The following RGL2 variants were observed in gnomAD, a reference collection of about 807,000 sequenced individuals.
RGL2 encodes the protein ral guanine nucleotide dissociation stimulator-like 2.
Under a neutral mutation model 84.6 loss-of-function variants are expected in RGL2, and 40 were observed. That is an observed-to-expected ratio of 0.47 (90% CI 0.37 to 0.62). The LOEUF is 0.62. Ranked by LOEUF, RGL2 falls within the 20% of genes least tolerant of loss-of-function variation. RGL2 has a pLI of 0.00. For synonymous variants in RGL2, 369 were observed against 417.3 expected, an observed-to-expected ratio of 0.88 and a Z score of 1.41; for missense variants, 865 against 1,019.7, an observed-to-expected ratio of 0.85 and a Z score of 2.07.
chr6:33,294,600 A>T lies in RGL2; in HGVS notation c.1353+88T>A. The T allele has an allele frequency of 1.4e-6, 2 of 1,415,458 alleles. No homozygotes were observed. Among genetic ancestry groups the T allele is most frequent in the South Asian group, 2.4e-5 (2 of 81,694 alleles). The allele number at this position is 1,415,458 out of a possible 1,614,324, so 87.7% of individuals were successfully genotyped here. Reference sequence around the variant, plus strand: ...TCCCACACTCAGCTATTTGTGCCTTACAGCCCCTTGCAAGGGGCGGGGGGG... The same window carrying T: ...TCCCACACTCAGCTATTTGTGCCTTTCAGCCCCTTGCAAGGGGCGGGGGGG... On this transcript the variant is annotated intron_variant, in intron 11 of 17. Coordinates refer to ENST00000497454, the MANE Select transcript of RGL2 (RefSeq NM_004761.5). This position sits in a 1 kb window ranked among gnomAD's most constrained non-coding sequence, Gnocchi z 5.0.
rs1363818118 is a variant in RGL2, at chr6:33,298,759, A to C, written c.-41-108T>G. The stretch of plus-strand genomic sequence containing the variant: ...CAAGAAGACCGGAAGGGAGTTCTGC[A>C]GGAAGGTTGGGGGAGGGGGCAACAG... On this transcript the variant is annotated intron_variant, in intron 1 of 17. Coordinates refer to ENST00000497454, the MANE Select transcript of RGL2 (RefSeq NM_004761.5). The surrounding 1 kb of genome is among the most constrained non-coding windows in gnomAD (Gnocchi z 4.8). 1 of 478,920 alleles carries C rather than the reference A, an allele frequency of 2.1e-6. No individual in the cohort carries two copies. The highest frequency in any genetic ancestry group is 3.6e-6 in the Non-Finnish European group (1 of 275,828). The allele number at this position is 478,920 out of a possible 1,614,324, so 29.7% of individuals were successfully genotyped here.
In RGL2 at chr6:33,294,947, C is replaced by A; in HGVS notation, c.1278+30G>T. The A allele has an allele frequency of 1.3e-6, 2 of 1,553,040 alleles. No homozygotes were observed. The highest frequency in any genetic ancestry group is 2.4e-5 in the East Asian group (1 of 41,258). On this transcript the variant is annotated intron_variant, in intron 10 of 17. Coordinates refer to ENST00000497454, the MANE Select transcript of RGL2 (RefSeq NM_004761.5). The surrounding 1 kb of genome is among the most constrained non-coding windows in gnomAD (Gnocchi z 5.0). ...TCCTCACCCCTTCATAATCACCACC[C>A]CCACGCCCACCACCCCGCTAGTCAC...
In RGL2 at chr6:33,293,051, A is replaced by G. The variant is rs1443940757; in HGVS notation, c.1972T>C (p.Leu658=). Residue 658 remains leucine, a synonymous_variant, in exon 16 of 18, where the codon TTG becomes CTG. Coordinates refer to ENST00000497454, the MANE Select transcript of RGL2 (RefSeq NM_004761.5). This position sits in a 1 kb window ranked among gnomAD's most constrained non-coding sequence, Gnocchi z 7.0. The part of the protein sequence containing the change: ...DCRIIRVQME[L]GEDGSVYKSI... ...TTATAGACACTGCCATCTTCCCCCA[A>G]CTCCATCTGGACTCGGATGATACGG... is the stretch of plus-strand genomic sequence containing the variant. The G allele has an allele frequency of 6.2e-7, 1 of 1,613,848 alleles. No homozygotes were observed. The highest frequency in any genetic ancestry group is 8.5e-7 in the Non-Finnish European group (1 of 1,179,976).
Position 33,294,977 on chromosome 6 carries a change from C to A in RGL2, c.1278G>T (p.Gly426=). The change falls in exon 10 of 18, where the codon GGG becomes GGT. Residue 426 remains glycine (G), a splice_region_variant and synonymous_variant. Transcript: ENST00000497454. This position sits in a 1 kb window ranked among gnomAD's most constrained non-coding sequence, Gnocchi z 5.0. ...KKAPRSGSRG[G]GVVPYLGTFL... ...GCCCACCACCCCGCTAGTCACTCACCCCACCCCGGGAGCCAGACCTCGGGG... is the reference window on the plus strand; with the variant it reads ...GCCCACCACCCCGCTAGTCACTCACACCACCCCGGGAGCCAGACCTCGGGG... The A allele has an allele frequency of 1.9e-6, 3 of 1,574,288 alleles. No homozygotes were observed. Among genetic ancestry groups the A allele is most frequent in the Non-Finnish European group, 2.6e-6 (3 of 1,159,810 alleles).
At chr6:33,301,055 A>G (rs995786465), upstream of RGL2, 1 of 152,094 alleles carries the variant, frequency 6.6e-6, no homozygotes, top group Admixed American at 6.5e-5. Context: ...TATTGACACC[A>G]TGGTTCCCAC....
chr6:33,299,768 G>C (rs929633777), upstream of RGL2: 1 of 152,374 alleles, frequency 6.6e-6, no homozygotes, highest in African/African-American at 2.4e-5. This position sits in a 1 kb window ranked among gnomAD's most constrained non-coding sequence, Gnocchi z 5.0. Flanking sequence ...CGACCGTCCT[G>C]ACTCGGAGAT....
chr6:33,293,056 A>G lies in RGL2; in HGVS notation c.1967T>C (p.Met656Thr). 1 of 1,614,100 alleles carries G rather than the reference A, an allele frequency of 6.2e-7. No individual in the cohort carries two copies. The change falls in exon 16 of 18, where the codon ATG becomes ACG. Residue 656 changes from methionine to threonine, a missense_variant. Transcript: ENST00000497454. This position sits in a 1 kb window ranked among gnomAD's most constrained non-coding sequence, Gnocchi z 7.0. ...GACACTGCCATCTTCCCCCAACTCCATCTGGACTCGGATGATACGGCAATC... is the reference window on the plus strand; with the variant it reads ...GACACTGCCATCTTCCCCCAACTCCGTCTGGACTCGGATGATACGGCAATC... Reference protein sequence around the residue: ...ASDCRIIRVQMELGEDGSVYK... With the variant: ...ASDCRIIRVQTELGEDGSVYK...
At position 33,295,411 on chromosome 6, in the gene RGL2, C is replaced by T; in HGVS notation, c.1032G>A (p.Leu344=). 1.2e-6 allele frequency: 2 copies of T among 1,611,910 alleles called. No individual in the cohort carries two copies. The highest frequency in any genetic ancestry group is 1.3e-5 in the African/African-American group (1 of 75,048). ...KWIRVAEECR[L]LRNFSSVYAV... is the part of the protein sequence containing the mutation. ...CATAAACTGAAGAGAAGTTTCGGAGCAGCCGGCACTCCTGTGGGGGTCAAA... is the reference window on the plus strand; with the variant it reads ...CATAAACTGAAGAGAAGTTTCGGAGTAGCCGGCACTCCTGTGGGGGTCAAA... The change falls in exon 8 of 18, where the codon CTG becomes CTA. Residue 344 remains leucine (L), a synonymous_variant. Coordinates refer to ENST00000497454, the MANE Select transcript of RGL2 (RefSeq NM_004761.5). This position sits in a 1 kb window ranked among gnomAD's most constrained non-coding sequence, Gnocchi z 7.2.
In RGL2 at chr6:33,294,831, C is replaced by T. The variant is rs1767777793; in HGVS notation, c.1279-69G>A. ...AGGGCCCTCCATCCCTCCGCACTTG[C>T]CCTCCTCATTGCCTCAGAGAACAGA... On this transcript the variant is annotated intron_variant, in intron 10 of 17. Transcript: ENST00000497454. The surrounding 1 kb of genome is among the most constrained non-coding windows in gnomAD (Gnocchi z 5.0). The T allele has an allele frequency of 6.5e-7, 1 of 1,546,272 alleles. No individual in the cohort carries two copies. Among genetic ancestry groups the T allele is most frequent in the East Asian group, 2.3e-5 (1 of 43,444 alleles).
At position 33,291,978 on chromosome 6, in the gene RGL2, C is replaced by T; in HGVS notation, c.*124G>A. 1 of 1,036,020 alleles carries T rather than the reference C, an allele frequency of 9.7e-7. No homozygotes were observed. The highest frequency in any genetic ancestry group is 1.4e-6 in the Non-Finnish European group (1 of 691,860). 64.2% of individuals were successfully genotyped at this position (1,036,020 alleles called of 1,614,324 possible). A position where few individuals can be genotyped will look rare whatever the true frequency, so the allele number is the denominator to read the frequency against. On this transcript the variant is annotated 3_prime_UTR_variant, in exon 18 of 18. Transcript: ENST00000497454. ...CTGGTAAACCAGTGGCACTTCACTG[C>T]CCCAGGGTGGCTGGCTCCCTTTCTG...
chr6:33,298,778 G>C lies in RGL2; in HGVS notation c.-42+92C>G. The C allele has an allele frequency of 2.3e-6, 1 of 435,210 alleles. No individual in the cohort carries two copies. The highest frequency in any genetic ancestry group is 4.4e-5 in the East Asian group (1 of 22,742). The allele number at this position is 435,210 out of a possible 1,614,324, so 27.0% of individuals were successfully genotyped here. ...TTCTGCAGGAAGGTTGGGGGAGGGG[G>C]CAACAGAAGGGTGGAATAGGGGGGC... On this transcript the variant is annotated intron_variant, in intron 1 of 17. Coordinates refer to ENST00000497454, the MANE Select transcript of RGL2 (RefSeq NM_004761.5). This position sits in a 1 kb window ranked among gnomAD's most constrained non-coding sequence, Gnocchi z 4.8.
In RGL2 at chr6:33,294,937, A is replaced by C. The variant is rs1767794433; in HGVS notation, c.1278+40T>G. On this transcript the variant is annotated intron_variant, in intron 10 of 17. Transcript: ENST00000497454. This position sits in a 1 kb window ranked among gnomAD's most constrained non-coding sequence, Gnocchi z 5.0. ...CAAAACATACTCCTCACCCCTTCAT[A>C]ATCACCACCCCCACGCCCACCACCC... 1 of 1,547,030 alleles carries C rather than the reference A, an allele frequency of 6.5e-7. No individual in the cohort carries two copies. The highest frequency in any genetic ancestry group is 1.4e-5 in the African/African-American group (1 of 72,738).
Position 33,298,484 on chromosome 6 carries a change from GC to G in RGL2, c.126del (p.Gln43ArgfsTer72). The stretch of plus-strand genomic sequence containing the variant: ...TCTTCTTCCTCCTCCTCTTCCTCCT[GC>G]CCCCCGCCCACGACCAGGCCACCTG... ...GGPGGLVVGG[G>X]QEEEEEEEEE... On this transcript the variant is annotated frameshift_variant, in exon 2 of 18. Transcript: ENST00000497454. LOFTEE classifies it high-confidence loss of function. This position sits in a 1 kb window ranked among gnomAD's most constrained non-coding sequence, Gnocchi z 4.8. 5 of 1,514,736 alleles carry G rather than the reference GC, an allele frequency of 3.3e-6. No homozygotes were observed. Among genetic ancestry groups the G allele is most frequent in the East Asian group, 2.6e-5 (1 of 38,132 alleles). The allele number at this position is 1,514,736 out of a possible 1,614,324, so 93.8% of individuals were successfully genotyped here.
At position 33,298,650 on chromosome 6, in the gene RGL2, G is replaced by T; in HGVS notation, c.-40C>A. 5 of 1,390,008 alleles carry T rather than the reference G, an allele frequency of 3.6e-6. No individual in the cohort carries two copies. Among genetic ancestry groups the T allele is most frequent in the Non-Finnish European group, 9.4e-7 (1 of 1,063,358 alleles). 86.1% of individuals were successfully genotyped at this position (1,390,008 alleles called of 1,614,324 possible). ...ATCAGCGGGGTCGGGCCATGGGGGCGCCTGGGGAGAGACGGGGTGGGGTGG... is the reference window on the plus strand; with the variant it reads ...ATCAGCGGGGTCGGGCCATGGGGGCTCCTGGGGAGAGACGGGGTGGGGTGG... On this transcript the variant is annotated splice_region_variant and 5_prime_UTR_variant, in exon 2 of 18. Coordinates refer to ENST00000497454, the MANE Select transcript of RGL2 (RefSeq NM_004761.5). This position sits in a 1 kb window ranked among gnomAD's most constrained non-coding sequence, Gnocchi z 4.8.
In RGL2 at chr6:33,293,089, C is replaced by T. The variant is rs751317368; in HGVS notation, c.1934G>A (p.Gly645Glu). Residue 645 changes from glycine (G) to glutamate (E), a missense_variant, in exon 16 of 18, where the codon GGG becomes GAG. This residue lies in a region of RGL2 where 302 missense variants were observed against 327.9 expected (regional missense o/e 0.92). Coordinates refer to ENST00000497454, the MANE Select transcript of RGL2 (RefSeq NM_004761.5). This position sits in a 1 kb window ranked among gnomAD's most constrained non-coding sequence, Gnocchi z 7.0. ...TCGGATGATACGGCAATCAGAGGCC[C>T]CTGGCCCAGATCCCTCTCCCCCATA... Reference protein sequence around the residue: ...TGYGGEGSGPGASDCRIIRVQ... With the variant: ...TGYGGEGSGPEASDCRIIRVQ... 18 of 1,614,220 alleles carry T rather than the reference C, an allele frequency of 1.1e-5. No individual in the cohort carries two copies. The highest frequency in any genetic ancestry group is 1.4e-5 in the Non-Finnish European group (16 of 1,180,042).
upstream of RGL2, chr6:33,301,582 A>G (rs895362894): frequency 4.8e-6 from 3 of 624,344 alleles, no homozygotes; most frequent in East Asian, 2.9e-5. Flanking sequence ...TCAAAAAAAA[A>G]AAAAAAAGAA....
chr6:33,300,315 C>T (rs564944240), upstream of RGL2: 18 of 153,852 alleles, frequency 1.2e-4, no homozygotes, highest in African/African-American at 3.6e-4. Context: ...ATCTCTGAGA[C>T]TATGTCAGGG....
Position 33,294,575 on chromosome 6 carries a change from TC to T in RGL2, c.1353+112del. 1 of 1,139,966 alleles carries T rather than the reference TC, an allele frequency of 8.8e-7. No homozygotes were observed. The highest frequency in any genetic ancestry group is 1.3e-6 in the Non-Finnish European group (1 of 782,174). The allele number at this position is 1,139,966 out of a possible 1,614,324, so 70.6% of individuals were successfully genotyped here. A position where few individuals can be genotyped will look rare whatever the true frequency, so the allele number is the denominator to read the frequency against. ...TGGCACAGAAACAGATCTGGCTCTG[TC>T]CCACACTCAGCTATTTGTGCCTTAC... On this transcript the variant is annotated intron_variant, in intron 11 of 17. Coordinates refer to ENST00000497454, the MANE Select transcript of RGL2 (RefSeq NM_004761.5). The surrounding 1 kb of genome is among the most constrained non-coding windows in gnomAD (Gnocchi z 5.0).
In RGL2 at chr6:33,293,986, G is replaced by C; in HGVS notation, c.1386+48C>G. Reference sequence around the variant, plus strand: ...CCTGACTTTTCCCCCTCCCCTTCCTGGAACATGGATAGGGAAGTCCAGCAT... The same window carrying C: ...CCTGACTTTTCCCCCTCCCCTTCCTCGAACATGGATAGGGAAGTCCAGCAT... On this transcript the variant is annotated intron_variant, in intron 12 of 17. Coordinates refer to ENST00000497454, the MANE Select transcript of RGL2 (RefSeq NM_004761.5). This position sits in a 1 kb window ranked among gnomAD's most constrained non-coding sequence, Gnocchi z 7.0. The C allele has an allele frequency of 6.2e-7, 1 of 1,613,940 alleles. No homozygotes were observed. The highest frequency in any genetic ancestry group is 8.5e-7 in the Non-Finnish European group (1 of 1,179,986).
Sources: allele counts gnomAD v4.1 joint callset, GRCh38; gene constraint gnomAD v4.1.1; regional missense constraint gnomAD v4.1.1; non-coding constraint Gnocchi (gnomAD v3.1); transcripts MANE v1.5; gene names NCBI Gene and HGNC (gene_info 2026-07-23, HGNC 2026-07-21).